FIGN: variants seen among roughly 807,000 people sequenced by gnomAD.
FIGN encodes fidgetin, microtubule severing factor.
In FIGN, 11 loss-of-function variants were observed where a neutral mutation model predicts 51.3. The observed-to-expected ratio is 0.21, with a 90% CI of 0.13 to 0.35. The LOEUF is 0.35. Among genes scored for constraint, FIGN ranks in the 10% least tolerant of loss-of-function variants. FIGN has a pLI of 1.00. For synonymous variants in FIGN, 407 were observed against 363.2 expected (o/e 1.12, Z -1.37); for missense variants, 857 against 943.6 (o/e 0.91, Z 1.20).
chr2:163,637,255 T>C (rs924406310), intron 2 of FIGN, among the ~76,000 whole-genome samples: 1 of 152,214 alleles, frequency 6.6e-6, no homozygotes, highest in Non-Finnish European at 1.5e-5. Context: ...AAAACATACT[T>C]GGGTTCTCTG....
intron 2 of FIGN, among the ~76,000 whole-genome samples, chr2:163,640,812 G>A (rs1464608367): frequency 6.6e-6 from 1 of 152,136 alleles, no homozygotes; most frequent in East Asian, 1.9e-4. Context: ...TCCCTCAACA[G>A]GTACTTGATC....
chr2:163,623,858 C>G (rs935632131), intron 2 of FIGN, among the ~76,000 whole-genome samples: 2 of 152,030 alleles, frequency 1.3e-5, no homozygotes, highest in Non-Finnish European at 2.9e-5. Context: ...ATTATTTTAT[C>G]TAGCTCAATT....
intron 2 of FIGN, among the ~76,000 whole-genome samples, chr2:163,719,573 C>G (rs1475690463): frequency 6.6e-6 from 1 of 152,118 alleles, no homozygotes; most frequent in Non-Finnish European, 1.5e-5. Context: ...GTCTTGTTTT[C>G]TAAAATAGAG....
chr2:163,614,564 T>C (rs1012686184), intron 2 of FIGN, among the ~76,000 whole-genome samples: 4 of 151,994 alleles, frequency 2.6e-5, no homozygotes, highest in Admixed American at 2.6e-4. Flanking sequence ...AGAACACACA[T>C]ATGCTGTGAG....
intron 2 of FIGN, among the ~76,000 whole-genome samples, chr2:163,718,167 C>T (rs1210596513): frequency 1.3e-5 from 2 of 152,102 alleles, no homozygotes; most frequent in Non-Finnish European, 2.9e-5. Flanking sequence ...CTAATGTGCC[C>T]TAACTTAGAT....
intron 2 of FIGN, among the ~76,000 whole-genome samples, chr2:163,696,553 T>C (rs752492105): frequency 1.3e-5 from 2 of 152,332 alleles, no homozygotes; most frequent in Admixed American, 6.5e-5. Context: ...AACATTAATT[T>C]TGAGAGAGTG....
chr2:163,726,927 G>C lies in FIGN; in HGVS notation c.25+7976C>G, dbSNP rs570358569. Among the ~76,000 whole-genome samples, 28 of 152,112 alleles carry C rather than the reference G, an allele frequency of 1.8e-4. 1 individual carries two copies. Among genetic ancestry groups the C allele is most frequent in the African/African-American group, 6.5e-4 (27 of 41,552 alleles). Reference sequence around the variant, plus strand: ...TTATTTCATAGTATTTGTTTGATCTGAAAATGGGGATTGTAATGAAAATGC... The same window carrying C: ...TTATTTCATAGTATTTGTTTGATCTCAAAATGGGGATTGTAATGAAAATGC... On this transcript the variant is annotated intron_variant, in intron 2 of 2. Transcript: ENST00000333129.
At chr2:163,666,479 T>C (rs1683775515) in intron 2 of FIGN, among the ~76,000 whole-genome samples, 1 of 152,156 alleles carries the variant, frequency 6.6e-6, no homozygotes, top group African/African-American at 2.4e-5. Context: ...GATGATATAT[T>C]AGAAGCTAGG....
intron 2 of FIGN, among the ~76,000 whole-genome samples, chr2:163,674,435 T>C (rs1158866375): frequency 6.6e-6 from 1 of 152,214 alleles, no homozygotes; most frequent in Non-Finnish European, 1.5e-5. Context: ...TGAAGAGTTT[T>C]ATATAGAGAA....
intron 2 of FIGN, among the ~76,000 whole-genome samples, chr2:163,724,934 G>GT (rs944286034): frequency 4.1e-4 from 62 of 151,756 alleles, no homozygotes; most frequent in African/African-American, 1.2e-3. Flanking sequence ...AACTGATAAG[G>GT]TTTTTTTTAC....
At chr2:163,622,559 A>T (rs1036539681) in intron 2 of FIGN, among the ~76,000 whole-genome samples, 1 of 151,736 alleles carries the variant, frequency 6.6e-6, no homozygotes, top group Non-Finnish European at 1.5e-5. Context: ...TTATTTATTT[A>T]TTTTATTATT....
In FIGN at chr2:163,723,204, A is replaced by ATAC. The variant is rs202075254; in HGVS notation, c.25+11698_25+11699insGTA. Among the ~76,000 whole-genome samples the ATAC allele has an allele frequency of 8.9e-3, 1,356 of 151,680 alleles. 25 individuals are homozygous for ATAC. The highest frequency in any genetic ancestry group is 0.031 in the African/African-American group (1,296 of 41,436). On this transcript the variant is annotated intron_variant, in intron 2 of 2. Coordinates refer to ENST00000333129, the MANE Select transcript of FIGN (RefSeq NM_018086.4). ...AGACTCCGTCTCAAAAATAATAATAATAATAAAATAATAAAATAAAATAAA... is the reference window on the plus strand; with the variant it reads ...AGACTCCGTCTCAAAAATAATAATAATACTAATAAAATAATAAAATAAAATAAA...
At chr2:163,647,305 C>A (rs1683397639) in intron 2 of FIGN, among the ~76,000 whole-genome samples, 1 of 152,172 alleles carries the variant, frequency 6.6e-6, no homozygotes, top group Non-Finnish European at 1.5e-5. Flanking sequence ...CCCCTTCTTT[C>A]AGGTAACAGT....
In FIGN at chr2:163,648,129, C is replaced by A. The variant is rs73015885; in HGVS notation, c.26-36323G>T. On this transcript the variant is annotated intron_variant, in intron 2 of 2. Coordinates refer to ENST00000333129, the MANE Select transcript of FIGN (RefSeq NM_018086.4). ...CTTGTCAGAGTTGCCCCCCAAAAAG[C>A]CAGTACTGAAATCCAACCCCAGCCC... Among the ~76,000 whole-genome samples, 324 of 152,048 alleles carry A rather than the reference C, an allele frequency of 2.1e-3. 2 individuals are homozygous for A. The highest frequency in any genetic ancestry group is 7.4e-3 in the African/African-American group (308 of 41,488).
chr2:163,621,842 G>T (rs1172946119), intron 2 of FIGN, among the ~76,000 whole-genome samples: 1 of 152,174 alleles, frequency 6.6e-6, no homozygotes, highest in Non-Finnish European at 1.5e-5. Context: ...TTCAAAGGAA[G>T]TGGCATTTCC....
chr2:163,711,132 T>C (rs1684582291), intron 2 of FIGN, among the ~76,000 whole-genome samples: 2 of 152,180 alleles, frequency 1.3e-5, no homozygotes, highest in Non-Finnish European at 2.9e-5. Context: ...TAGAAGACGC[T>C]TGCAGCTTCT....
chr2:163,624,734 C>T (rs1337947935), intron 2 of FIGN, among the ~76,000 whole-genome samples: 7 of 147,918 alleles, frequency 4.7e-5, no homozygotes, highest in East Asian at 2.0e-4. Flanking sequence ...GACAAGCTGT[C>T]GTAATTGAAA....
At chr2:163,624,487 C>A (rs1350897589) in intron 2 of FIGN, among the ~76,000 whole-genome samples, 1 of 151,290 alleles carries the variant, frequency 6.6e-6, no homozygotes, top group Admixed American at 6.6e-5. Context: ...GTCAAGGCAG[C>A]CTTTGCTGTT....
At chr2:163,644,503 T>G (rs1269410555) in intron 2 of FIGN, among the ~76,000 whole-genome samples, 2 of 152,220 alleles carry the variant, frequency 1.3e-5, no homozygotes, top group Admixed American at 1.3e-4. Flanking sequence ...GTGCGGCTAC[T>G]TTGGTAAACA....
Sources: gnomAD v4.1 joint callset for allele counts (sites outside exome capture counted in the v4.1 genomes callset) on GRCh38, gnomAD v4.1.1 for gene constraint, MANE v1.5 for transcripts, NCBI Gene and HGNC (gene_info 2026-07-23, HGNC 2026-07-21) for gene names.